Variants in SIDT1 observed in about 807,000 individuals in gnomAD.
SIDT1 encodes SID1 transmembrane family, member 1.
A neutral mutation model predicts 107.5 loss-of-function variants in SIDT1; 101 were observed. That is an observed-to-expected ratio of 0.94 (90% CI 0.80 to 1.11). The LOEUF (loss-of-function observed/expected upper bound fraction) is 1.11, where lower values mean the gene tolerates loss of function less well. SIDT1 is among the 50% of genes least tolerant of loss of function. The pLI is 0.00. For synonymous variants in SIDT1, 395 were observed against 398.2 expected, an observed-to-expected ratio of 0.99 and a Z score of 0.10; for missense variants, 1,076 against 1,058.2, an observed-to-expected ratio of 1.02 and a Z score of -0.23.
intron 6 of SIDT1, among the ~76,000 whole-genome samples, chr3:113,583,089 C>T (rs1943480589): frequency 6.6e-6 from 1 of 152,096 alleles, no homozygotes; most frequent in Non-Finnish European, 1.5e-5. Context: ...AACATGTAAG[C>T]ATTAGTTATT....
intron 9 of SIDT1, among the ~76,000 whole-genome samples, chr3:113,592,012 G>A (rs1025538134): frequency 4.6e-5 from 7 of 152,156 alleles, no homozygotes; most frequent in Non-Finnish European, 8.8e-5. Context: ...CCTTGAAAAC[G>A]TTACACTAAG....
chr3:113,566,619 T>A (rs1941942216), intron 2 of SIDT1, 78 bp downstream of exon 2: 10 of 1,484,194 alleles, frequency 6.7e-6, no homozygotes, highest in Middle Eastern at 3.6e-4. Context: ...GTCTTTTCCC[T>A]ATTGAAAGGA....
In SIDT1 at chr3:113,607,057, G is replaced by C. The variant is rs572675919; in HGVS notation, c.1421G>C (p.Gly474Ala). Residue 474 changes from glycine to alanine, a missense_variant, in exon 15 of 25, where the codon GGC (glycine) becomes GCC (alanine). By Grantham distance (60) the Gly-to-Ala change is moderately conservative. Coordinates refer to ENST00000264852, the MANE Select transcript of SIDT1 (RefSeq NM_017699.3). Reference sequence around the variant, plus strand: ...ATTTTACAGGTGGTAAATGTCACTGGCAACCAGGACATCTGTTACTACAAC... The same window carrying C: ...ATTTTACAGGTGGTAAATGTCACTGCCAACCAGGACATCTGTTACTACAAC... ...ITYQTVVNVT[G>A]NQDICYYNFL... The C allele has an allele frequency of 3.7e-6, 6 of 1,611,802 alleles. No individual in the cohort carries two copies. In the East Asian group the frequency reaches 1.3e-4, roughly 36 times the overall value.
chr3:113,567,573 C>G lies in SIDT1; in HGVS notation c.378C>G (p.Ser126Arg). Reference protein sequence around the residue: ...YQRSYNYQEVSRTLCPSEATN... With the variant: ...YQRSYNYQEVRRTLCPSEATN... ...GGAGCTACAACTATCAAGAAGTGAG[C>G]CGCACCTTATGTCCCTCAGAAGCAA... is the stretch of plus-strand genomic sequence containing the variant. The change falls in exon 3 of 25, where the codon AGC (serine) becomes AGG (arginine). Residue 126 changes from serine to arginine, a missense_variant. Coordinates refer to ENST00000264852, the MANE Select transcript of SIDT1 (RefSeq NM_017699.3). 6.2e-7 allele frequency: 1 copy of G among 1,613,904 alleles called. No homozygotes were observed. Among genetic ancestry groups the G allele is most frequent in the Non-Finnish European group, 8.5e-7 (1 of 1,179,916 alleles).
At chr3:113,585,688 A>G (rs1943693379) in intron 9 of SIDT1, among the ~76,000 whole-genome samples, 1 of 152,250 alleles carries the variant, frequency 6.6e-6, no homozygotes, top group African/African-American at 2.4e-5. Flanking sequence ...TGTAATGCCT[A>G]AAATAAATCT....
At chr3:113,551,124 A>G (rs1940184481) in intron 1 of SIDT1, among the ~76,000 whole-genome samples, 2 of 152,308 alleles carry the variant, frequency 1.3e-5, no homozygotes, top group Admixed American at 6.5e-5. Flanking sequence ...GTAGTATTCC[A>G]TGGTGCATAT....
chr3:113,577,774 CTG>C (rs113318831), intron 4 of SIDT1, among the ~76,000 whole-genome samples: 2,622 of 152,290 alleles, frequency 0.017, 75 homozygotes, highest in African/African-American at 0.06. Context: ...AGTAGTAAAA[CTG>C]GGATTAACAT....
chr3:113,636,173 G>A, the SIDT1 span, among the ~76,000 whole-genome samples: 1 of 152,146 alleles, frequency 6.6e-6, no homozygotes, highest in Non-Finnish European at 1.5e-5. Context: ...GGGAGGCCGA[G>A]GGGGCCAGAT....
chr3:113,591,622 G>A (rs1944159104), intron 9 of SIDT1, among the ~76,000 whole-genome samples: 1 of 152,230 alleles, frequency 6.6e-6, no homozygotes, highest in Non-Finnish European at 1.5e-5. Context: ...GTGAACCCGG[G>A]AGGCGGAGCT....
intron 16 of SIDT1, 73 bp from the exon 17 acceptor site, chr3:113,608,346 G>A (rs1241074922): frequency 6.5e-7 from 1 of 1,536,860 alleles, no homozygotes; most frequent in Non-Finnish European, 9.0e-7. Context: ...CCAGAAGCAT[G>A]TGCTTCCAGA....
chr3:113,533,011 C>G lies in SIDT1; in HGVS notation c.-11C>G. 1 of 1,349,408 alleles carries G rather than the reference C, an allele frequency of 7.4e-7. No homozygotes were observed. Among genetic ancestry groups the G allele is most frequent in the East Asian group, 3.1e-5 (1 of 32,120 alleles). 83.6% of individuals were successfully genotyped at this position (1,349,408 alleles called of 1,614,324 possible). A position where few individuals can be genotyped will look rare whatever the true frequency, so the allele number is the denominator to read the frequency against. On this transcript the variant is annotated 5_prime_UTR_variant, in exon 1 of 25. Coordinates refer to ENST00000264852, the MANE Select transcript of SIDT1 (RefSeq NM_017699.3). The stretch of plus-strand genomic sequence containing the variant: ...GTGGCTCCGCTTTCGAGCCCGGGCG[C>G]GGTGCCCACCATGCGCGGCTGCCTG...
intron 2 of SIDT1, among the ~76,000 whole-genome samples, chr3:113,566,815 G>A (rs912238293): frequency 5.3e-5 from 8 of 152,042 alleles, no homozygotes; most frequent in African/African-American, 7.3e-5. Context: ...TGGGGTACTG[G>A]GTCAACCAAT....
intron 15 of SIDT1, among the ~76,000 whole-genome samples, chr3:113,607,418 C>T (rs755415945): frequency 1.3e-5 from 2 of 152,188 alleles, no homozygotes; most frequent in African/African-American, 4.8e-5. Context: ...TTGTCTCATT[C>T]GATCCATTAA....
At position 113,611,116 on chromosome 3, in the gene SIDT1, T is replaced by A. The variant is rs751629199; in HGVS notation, c.1829T>A (p.Val610Glu). 1.2e-6 allele frequency: 2 copies of A among 1,613,924 alleles called. No individual in the cohort carries two copies. ...TACTCTGCCTATGCCTCCTTTGCTG[T>A]GGTCATCATGGTCACCGTCCTTGGA... ...SAYSAYASFA[V>E]VIMVTVLGVV... Residue 610 changes from valine to glutamate, a missense_variant, in exon 18 of 25, where the codon GTG becomes GAG. Physicochemically the swap from Val to Glu is moderately radical, Grantham distance 121 (BLOSUM62 -2). Transcript: ENST00000264852.
At chr3:113,617,933 A>G (rs997833673) in intron 20 of SIDT1, among the ~76,000 whole-genome samples, 1 of 152,192 alleles carries the variant, frequency 6.6e-6, no homozygotes, top group Non-Finnish European at 1.5e-5. Flanking sequence ...CTGACACATC[A>G]TTACTACCCA....
At chr3:113,567,817 T>C (rs902361079) in intron 3 of SIDT1, 107 bp downstream of exon 3, 1 of 1,177,068 alleles carries the variant, frequency 8.5e-7, no homozygotes, top group African/African-American at 1.5e-5. Flanking sequence ...ATTATCCACT[T>C]AGCATATGAT....
intron 1 of SIDT1, among the ~76,000 whole-genome samples, chr3:113,563,044 A>G (rs1941572343): frequency 6.6e-6 from 1 of 152,212 alleles, no homozygotes; most frequent in African/African-American, 2.4e-5. Flanking sequence ...AAGACTTCCC[A>G]AAGGAAGACT....
chr3:113,570,790 T>C (rs1402953408), intron 3 of SIDT1, among the ~76,000 whole-genome samples: 1 of 152,236 alleles, frequency 6.6e-6, no homozygotes, highest in African/African-American at 2.4e-5. Context: ...GTTTCTATTG[T>C]ATGTTTTTGA....
At chr3:113,556,784 C>T (rs1940900922) in intron 1 of SIDT1, among the ~76,000 whole-genome samples, 1 of 144,940 alleles carries the variant, frequency 6.9e-6, no homozygotes, top group African/African-American at 2.5e-5. Context: ...GTAAGTTAGT[C>T]TGTGGCTTCT....
Sources: allele counts gnomAD v4.1 joint callset (sites outside exome capture counted in the v4.1 genomes callset), GRCh38; gene constraint gnomAD v4.1.1; transcripts MANE v1.5; gene names NCBI Gene and HGNC (gene_info 2026-07-23, HGNC 2026-07-21).